TMEM108: variants seen among roughly 807,000 people sequenced by gnomAD.
TMEM108 encodes the protein cancer/testis antigen 124.
A neutral mutation model predicts 35.1 loss-of-function variants in TMEM108; 12 were observed. That is an observed-to-expected ratio of 0.34 (90% CI 0.22 to 0.55). The LOEUF (loss-of-function observed/expected upper bound fraction) is 0.55. Among genes scored for constraint, TMEM108 ranks in the 20% least tolerant of loss-of-function variants. TMEM108 has a pLI of 0.89. For synonymous variants in TMEM108, 287 were observed against 308.6 expected (o/e 0.93, Z 0.73); for missense variants, 680 against 753.3 (o/e 0.90, Z 1.14).
intron 2 of TMEM108, chr3:133,119,231 C>T (rs1944323002): frequency 6.7e-6 from 1 of 150,026 alleles, no homozygotes; most frequent in South Asian, 2.1e-4. Flanking sequence ...GAAAAAGTAA[C>T]AGCTGAAAAA....
intron 3 of TMEM108, among the ~76,000 whole-genome samples, chr3:133,348,532 T>C (rs998489948): frequency 3.3e-5 from 5 of 152,142 alleles, no homozygotes; most frequent in Admixed American, 2.6e-4. Flanking sequence ...TAATACATGC[T>C]AATATGAAGA....
chr3:133,056,054 A>G (rs770843607), intron 2 of TMEM108, among the ~76,000 whole-genome samples: 1 of 149,822 alleles, frequency 6.7e-6, no homozygotes, highest in Non-Finnish European at 1.5e-5. Context: ...ATACCCCTCC[A>G]TTTTTTCCTT....
chr3:133,252,040 G>A (rs1946479498), intron 3 of TMEM108, among the ~76,000 whole-genome samples: 1 of 152,046 alleles, frequency 6.6e-6, no homozygotes, highest in South Asian at 2.1e-4. Context: ...TTCCTCTTAT[G>A]GAGTTCTGTT....
intron 3 of TMEM108, chr3:133,253,367 T>TAAA (rs1235216282): frequency 6.6e-6 from 1 of 152,188 alleles, no homozygotes; most frequent in Non-Finnish European, 1.5e-5. Context: ...CTCACCTATA[T>TAAA]AAAGTGCATC....
chr3:133,386,642 T>C, intron 4 of TMEM108: 3 of 1,418,378 alleles, frequency 2.1e-6, no homozygotes, highest in Middle Eastern at 2.5e-4. Flanking sequence ...AGAGTCTTGA[T>C]GGCTACTGCC....
chr3:133,273,765 G>A (rs1006691600), intron 3 of TMEM108, among the ~76,000 whole-genome samples: 6 of 152,124 alleles, frequency 3.9e-5, no homozygotes, highest in Non-Finnish European at 5.9e-5. Flanking sequence ...CATGGCAAAC[G>A]GAAGAAATAG....
At chr3:133,178,142 C>T (rs1160771869) in intron 2 of TMEM108, among the ~76,000 whole-genome samples, 1 of 152,110 alleles carries the variant, frequency 6.6e-6, no homozygotes, top group Admixed American at 6.5e-5. Context: ...AACTACAAAC[C>T]ACTGCTCAAT....
intron 2 of TMEM108, among the ~76,000 whole-genome samples, chr3:133,162,276 A>G (rs904501660): frequency 6.6e-6 from 1 of 151,946 alleles, no homozygotes; most frequent in Non-Finnish European, 1.5e-5. Context: ...CCATTTGTTT[A>G]CTCTATAGGT....
chr3:133,282,613 T>A lies in TMEM108; in HGVS notation c.40+53262T>A, dbSNP rs188710625. On this transcript the variant is annotated intron_variant, in intron 3 of 5. Coordinates refer to ENST00000321871, the MANE Select transcript of TMEM108 (RefSeq NM_023943.4). ...GTACCCAAGAAGAATCCCCTGTACC[T>A]GGCACCAGTTGAAAACACGCCATTG... 7.7e-4 allele frequency among the ~76,000 whole-genome samples: 118 copies of A among 152,352 alleles called. No individual in the cohort carries two copies. The East Asian group carries it at 0.013, about 16-fold the overall frequency.
chr3:133,095,062 C>T (rs1251982692), intron 2 of TMEM108, among the ~76,000 whole-genome samples: 2 of 152,172 alleles, frequency 1.3e-5, no homozygotes, highest in South Asian at 4.1e-4. Context: ...TCTTATCATT[C>T]CCTTAGGCCC....
At chr3:133,055,566 T>C (rs1363295220) in intron 2 of TMEM108, among the ~76,000 whole-genome samples, 1 of 152,194 alleles carries the variant, frequency 6.6e-6, no homozygotes, top group Non-Finnish European at 1.5e-5. Context: ...GGCAGGACTT[T>C]GGATGCAGAT....
At chr3:133,175,861 A>G (rs1270223017) in intron 2 of TMEM108, among the ~76,000 whole-genome samples, 1 of 152,256 alleles carries the variant, frequency 6.6e-6, no homozygotes, top group Non-Finnish European at 1.5e-5. Context: ...GCTTCAATTA[A>G]AAGACACAGA....
intron 3 of TMEM108, among the ~76,000 whole-genome samples, chr3:133,338,865 A>G (rs546779169): frequency 4.6e-5 from 7 of 152,176 alleles, no homozygotes; most frequent in Non-Finnish European, 8.8e-5. Flanking sequence ...TTGGTTATTT[A>G]TGCAAAGAGT....
chr3:133,183,579 G>T (rs929563969), intron 2 of TMEM108, among the ~76,000 whole-genome samples: 7 of 152,166 alleles, frequency 4.6e-5, no homozygotes, highest in African/African-American at 1.7e-4. Context: ...GAATGAAAAG[G>T]GGGTAGAAGA....
intron 2 of TMEM108, among the ~76,000 whole-genome samples, chr3:133,216,195 A>G (rs956989839): frequency 2.0e-5 from 3 of 152,064 alleles, no homozygotes; most frequent in Admixed American, 6.6e-5. Flanking sequence ...TTCTGACACC[A>G]TAGACATTTT....
intron 2 of TMEM108, among the ~76,000 whole-genome samples, chr3:133,228,160 C>A (rs1037644414): frequency 1.3e-5 from 2 of 148,744 alleles, no homozygotes. Context: ...ACCTTAAAGG[C>A]TGAATTTTAT....
intron 3 of TMEM108, among the ~76,000 whole-genome samples, chr3:133,278,764 G>T (rs1242595248): frequency 6.6e-6 from 1 of 152,176 alleles, no homozygotes; most frequent in African/African-American, 2.4e-5. Context: ...TATACATGGA[G>T]ACAATTGGTA....
intron 2 of TMEM108, among the ~76,000 whole-genome samples, chr3:133,068,938 G>A (rs1943643833): frequency 6.6e-6 from 1 of 152,084 alleles, no homozygotes; most frequent in Non-Finnish European, 1.5e-5. Flanking sequence ...ATATAGACAG[G>A]GAAGGATGAG....
At chr3:133,102,652 A>G (rs981148412) in intron 2 of TMEM108, among the ~76,000 whole-genome samples, 2 of 152,230 alleles carry the variant, frequency 1.3e-5, no homozygotes, top group Non-Finnish European at 2.9e-5. Context: ...GATAAATGAA[A>G]ATGAATTTCT....
Sources: gnomAD v4.1 joint callset for allele counts (sites outside exome capture counted in the v4.1 genomes callset) on GRCh38, gnomAD v4.1.1 for gene constraint, MANE v1.5 for transcripts, NCBI Gene and HGNC (gene_info 2026-07-23, HGNC 2026-07-21) for gene names.